Variants in FAM124A observed in about 807,000 individuals in gnomAD.
The protein encoded by FAM124A is family with sequence similarity 124 member A, also known as protein FAM124A.
Under a neutral mutation model 24.5 loss-of-function variants are expected in FAM124A, and 23 were observed. The ratio of observed to expected loss-of-function variants is 0.94; its 90% CI spans 0.68 to 1.33. The LOEUF (loss-of-function observed/expected upper bound fraction) is 1.33, where lower values mean the gene tolerates loss of function less well. FAM124A is among the 40% of genes most tolerant of loss of function. The pLI, the probability that FAM124A is intolerant of heterozygous loss-of-function variation, is 0.00. For synonymous variants in FAM124A, 287 were observed against 314.7 expected (o/e 0.91, Z 0.93); for missense variants, 623 against 722.8 (o/e 0.86, Z 1.58).
chr13:51,262,786 A>C (rs551390191), intron 3 of FAM124A, among the ~76,000 whole-genome samples: 121 of 152,342 alleles, frequency 7.9e-4, no homozygotes, highest in African/African-American at 2.1e-3. Context: ...GATTTTTGTC[A>C]TCTCAAGACA....
In FAM124A at chr13:51,269,566, T is replaced by A. The variant is rs572490565; in HGVS notation, c.835-10884T>A. Among the ~76,000 whole-genome samples the A allele has an allele frequency of 2.2e-4, 33 of 152,360 alleles. No homozygotes were observed. The South Asian group carries it at 6.6e-3, about 31-fold the overall frequency. Reference sequence around the variant, plus strand: ...AGTTACTTAAGTACTTTAAAGATTTTGTTTATGAATAAGACCACTGAACTA... The same window carrying A: ...AGTTACTTAAGTACTTTAAAGATTTAGTTTATGAATAAGACCACTGAACTA... On this transcript the variant is annotated intron_variant, in intron 3 of 3. Coordinates refer to ENST00000322475, the MANE Select transcript of FAM124A (RefSeq NM_001242312.2).
intron 3 of FAM124A, among the ~76,000 whole-genome samples, chr13:51,279,728 C>G (rs1954916603): frequency 6.6e-6 from 1 of 152,202 alleles, no homozygotes; most frequent in Non-Finnish European, 1.5e-5. Flanking sequence ...GCTCATCCAA[C>G]CCCTGCAGGA....
In FAM124A at chr13:51,282,095, GA is replaced by G. The variant is rs1415605363; in HGVS notation, c.*840del. 1 of 152,176 alleles carries G rather than the reference GA, an allele frequency of 6.6e-6. No homozygotes were observed. The highest frequency in any genetic ancestry group is 1.5e-5 in the Non-Finnish European group (1 of 68,040). The allele number at this position is 152,176 out of a possible 1,614,324, so 9.4% of individuals were successfully genotyped here. A position where few individuals can be genotyped will look rare whatever the true frequency, so the allele number is the denominator to read the frequency against. ...GGGATTACAGAATTATAGGCCATTA[GA>G]CATCATGGGTAGGTAGTCTTAAGAT... On this transcript the variant is annotated 3_prime_UTR_variant, in exon 4 of 4. Transcript: ENST00000322475.
chr13:51,267,527 A>G (rs1046993798), intron 3 of FAM124A, among the ~76,000 whole-genome samples: 9 of 152,180 alleles, frequency 5.9e-5, no homozygotes, highest in Admixed American at 4.6e-4. Context: ...GGCTATGGCT[A>G]TCTGCTCATT....
chr13:51,237,561 A>T (rs1292956082), intron 2 of FAM124A, among the ~76,000 whole-genome samples: 1 of 152,236 alleles, frequency 6.6e-6, no homozygotes, highest in Admixed American at 6.5e-5. Context: ...CGGGTTCTCC[A>T]TAAGGGGCTG....
chr13:51,227,086 G>A (rs1410926979), intron 1 of FAM124A, among the ~76,000 whole-genome samples: 2 of 152,146 alleles, frequency 1.3e-5, no homozygotes, highest in African/African-American at 2.4e-5. Context: ...TATAAACTTA[G>A]AGTTTTATTT....
At position 51,251,957 on chromosome 13, in the gene FAM124A, G is replaced by A; in HGVS notation, c.590G>A (p.Ser197Asn). The change falls in exon 3 of 4, where the codon AGC becomes AAC. Residue 197 changes from serine (S) to asparagine (N), a missense_variant. By Grantham distance (46) the Ser-to-Asn change is conservative. Coordinates refer to ENST00000322475, the MANE Select transcript of FAM124A (RefSeq NM_001242312.2). The surrounding 1 kb of genome is among the most constrained non-coding windows in gnomAD (Gnocchi z 5.3). ...TTCTACCAGCTGATTCTCCGGAGGAGCCCCAGCCAGAAGAAAGCGGACTTC... is the reference window on the plus strand; with the variant it reads ...TTCTACCAGCTGATTCTCCGGAGGAACCCCAGCCAGAAGAAAGCGGACTTC... The part of the protein sequence containing the change: ...LRFYQLILRR[S>N]PSQKKADFCI... The A allele has an allele frequency of 2.5e-6, 4 of 1,614,238 alleles. No homozygotes were observed. The highest frequency in any genetic ancestry group is 3.4e-6 in the Non-Finnish European group (4 of 1,180,044).
At chr13:51,268,652 G>T (rs1055009005) in intron 3 of FAM124A, among the ~76,000 whole-genome samples, 3 of 152,226 alleles carry the variant, frequency 2.0e-5, no homozygotes, top group Admixed American at 2.0e-4. Flanking sequence ...AGGACACCAC[G>T]TTGTAGGGCC....
At chr13:51,271,350 T>TA (rs1259181535) in intron 3 of FAM124A, among the ~76,000 whole-genome samples, 1 of 151,934 alleles carries the variant, frequency 6.6e-6, no homozygotes, top group Non-Finnish European at 1.5e-5. Context: ...TCACATAGAG[T>TA]AAAAAAAGGC....
At chr13:51,276,485 T>C (rs2137710831) in intron 3 of FAM124A, among the ~76,000 whole-genome samples, 1 of 152,334 alleles carries the variant, frequency 6.6e-6, no homozygotes, top group South Asian at 2.1e-4. Context: ...AGCATCTCTT[T>C]GACAACTTTC....
At chr13:51,279,468 C>T (rs1207108094) in intron 3 of FAM124A, among the ~76,000 whole-genome samples, 3 of 152,194 alleles carry the variant, frequency 2.0e-5, no homozygotes, top group Non-Finnish European at 2.9e-5. Context: ...TCAAGCCAGA[C>T]CGACTGCCCC....
intron 1 of FAM124A, among the ~76,000 whole-genome samples, chr13:51,225,880 C>G (rs538978796): frequency 1.4e-5 from 2 of 146,528 alleles, no homozygotes; most frequent in African/African-American, 5.1e-5. Context: ...AATATAGGTG[C>G]TAATTGAGCA....
chr13:51,262,956 C>G (rs977642955), intron 3 of FAM124A, among the ~76,000 whole-genome samples: 1 of 152,256 alleles, frequency 6.6e-6, no homozygotes, highest in East Asian at 1.9e-4. Context: ...TCTGCAAGCA[C>G]TCACCCAGGC....
chr13:51,252,698 C>T (rs1954638894), intron 3 of FAM124A: 1 of 155,948 alleles, frequency 6.4e-6, no homozygotes, highest in Non-Finnish European at 1.4e-5. Context: ...GGTGCCTCCC[C>T]CACCTTCTAC....
intron 3 of FAM124A, among the ~76,000 whole-genome samples, chr13:51,271,177 T>C (rs1363970702): frequency 6.6e-6 from 1 of 152,096 alleles, no homozygotes; most frequent in Non-Finnish European, 1.5e-5. Context: ...ATTAACATAG[T>C]AGGGATAAGA....
intron 2 of FAM124A, among the ~76,000 whole-genome samples, chr13:51,234,288 G>T (rs1456305548): frequency 6.6e-6 from 1 of 152,184 alleles, no homozygotes; most frequent in Non-Finnish European, 1.5e-5. Flanking sequence ...CTTGTTGCCT[G>T]TTTGTCCACA....
At chr13:51,276,095 A>G (rs1954884020) in intron 3 of FAM124A, among the ~76,000 whole-genome samples, 1 of 152,182 alleles carries the variant, frequency 6.6e-6, no homozygotes, top group South Asian at 2.1e-4. Flanking sequence ...GATTCTAGAA[A>G]GACACAAGGC....
At chr13:51,277,930 G>A (rs1402566502) in intron 3 of FAM124A, among the ~76,000 whole-genome samples, 1 of 152,218 alleles carries the variant, frequency 6.6e-6, no homozygotes, top group Non-Finnish European at 1.5e-5. Context: ...ACTCAAAGGT[G>A]CAGGGAAAAC....
intron 3 of FAM124A, among the ~76,000 whole-genome samples, chr13:51,259,711 G>GT (rs1954714129): frequency 6.6e-6 from 1 of 152,136 alleles, no homozygotes; most frequent in South Asian, 2.1e-4. Flanking sequence ...CTGTAGCACT[G>GT]TAAGCTGCCA....
Sources: allele counts gnomAD v4.1 joint callset (sites outside exome capture counted in the v4.1 genomes callset), GRCh38; gene constraint gnomAD v4.1.1; non-coding constraint Gnocchi (gnomAD v3.1); transcripts MANE v1.5; gene names NCBI Gene and HGNC (gene_info 2026-07-23, HGNC 2026-07-21).